The following SLC24A3 variants were observed in gnomAD, a reference collection of about 807,000 sequenced individuals.
The protein encoded by SLC24A3 is solute carrier family 24 member 3, also known as sodium/potassium/calcium exchanger 3.
Under a neutral mutation model 75.8 loss-of-function variants are expected in SLC24A3, and 28 were observed. The observed-to-expected ratio is 0.37, with a 90% CI of 0.27 to 0.51. The LOEUF is 0.51. SLC24A3 is among the 20% of genes least tolerant of loss of function. The probability of loss-of-function intolerance (pLI) is 0.94; values close to 1 mark genes in which losing one functional copy is unlikely to be tolerated. For missense variants in SLC24A3, 663 were observed against 847.8 expected (o/e 0.78, Z 2.71); for synonymous variants, 372 against 334.1 (o/e 1.11, Z -1.24).
intron 6 of SLC24A3, among the ~76,000 whole-genome samples, chr20:19,605,537 T>A (rs2031586207): frequency 6.6e-6 from 1 of 152,214 alleles, no homozygotes; most frequent in Non-Finnish European, 1.5e-5. Flanking sequence ...CACTAAGAGA[T>A]TAATGTCAAC....
At chr20:19,409,840 T>TGC (rs1986712721) in intron 2 of SLC24A3, among the ~76,000 whole-genome samples, 1 of 145,516 alleles carries the variant, frequency 6.9e-6, no homozygotes, top group Admixed American at 7.0e-5. Context: ...AATATGTGTG[T>TGC]GTGTGTGTAT....
Position 19,646,232 on chromosome 20 carries a change from A to C in SLC24A3, c.613-7830A>C, listed in dbSNP as rs79985625. Reference sequence around the variant, plus strand: ...TTTTAATGAACACCCAAAATCTAATAAGTATGGTTACTAGGTTTATCAAAC... The same window carrying C: ...TTTTAATGAACACCCAAAATCTAATCAGTATGGTTACTAGGTTTATCAAAC... On this transcript the variant is annotated intron_variant, in intron 6 of 16. Coordinates refer to ENST00000328041, the MANE Select transcript of SLC24A3 (RefSeq NM_020689.4). Among the ~76,000 whole-genome samples, 780 of 152,320 alleles carry C rather than the reference A, an allele frequency of 5.1e-3. 6 individuals are homozygous for C. Among genetic ancestry groups the C allele is most frequent in the African/African-American group, 0.016 (679 of 41,568 alleles).
intron 13 of SLC24A3, 164 bp from the exon 14 acceptor site, chr20:19,696,633 A>T: frequency 2.0e-6 from 1 of 509,422 alleles, no homozygotes; most frequent in Middle Eastern, 3.6e-4. Context: ...CCCGGTCGGC[A>T]TCCACATAGT....
chr20:19,713,116 G>C (rs2033007795), intron 15 of SLC24A3, among the ~76,000 whole-genome samples: 1 of 152,210 alleles, frequency 6.6e-6, no homozygotes, highest in African/African-American at 2.4e-5. Context: ...TGGCATCTAA[G>C]AATAAAAGAC....
At chr20:19,630,181 G>C (rs1053185720) in intron 6 of SLC24A3, among the ~76,000 whole-genome samples, 7 of 152,172 alleles carry the variant, frequency 4.6e-5, no homozygotes, top group African/African-American at 1.7e-4. Context: ...ATTCCATTTT[G>C]AGCAAAGTTG....
At chr20:19,410,040 T>C (rs2122418769) in intron 2 of SLC24A3, among the ~76,000 whole-genome samples, 1 of 152,246 alleles carries the variant, frequency 6.6e-6, no homozygotes. Context: ...TGTCGACAGT[T>C]TTTTGAATGC....
Position 19,685,390 on chromosome 20 carries a change from T to G in SLC24A3, c.1324+29T>G, listed in dbSNP as rs868469140. On this transcript the variant is annotated intron_variant, in intron 12 of 16. Coordinates refer to ENST00000328041, the MANE Select transcript of SLC24A3 (RefSeq NM_020689.4). ...AGAGGTTCTATGTCTGGGCTGGGGTTGGGAGCTATTTTGAGCCACTGAGTA... is the reference window on the plus strand; with the variant it reads ...AGAGGTTCTATGTCTGGGCTGGGGTGGGGAGCTATTTTGAGCCACTGAGTA... 22 of 1,607,176 alleles carry G rather than the reference T, an allele frequency of 1.4e-5. No individual in the cohort carries two copies. The Middle Eastern group carries it at 2.7e-3, about 194-fold the overall frequency.
intron 16 of SLC24A3, among the ~76,000 whole-genome samples, chr20:19,718,683 G>A (rs1014440447): frequency 6.6e-6 from 1 of 152,134 alleles, no homozygotes; most frequent in African/African-American, 2.4e-5. Context: ...CCACTAACTG[G>A]GCTGTCAAAA....
intron 2 of SLC24A3, among the ~76,000 whole-genome samples, chr20:19,399,656 T>C (rs1986516060): frequency 6.6e-6 from 1 of 152,170 alleles, no homozygotes; most frequent in South Asian, 2.1e-4. Flanking sequence ...AGGCTAATTT[T>C]ATGGCCCAGA....
At chr20:19,360,527 A>G (rs528332536) in intron 2 of SLC24A3, among the ~76,000 whole-genome samples, 72 of 152,260 alleles carry the variant, frequency 4.7e-4, no homozygotes, top group Admixed American at 1.0e-3. Context: ...CAACTTCTCA[A>G]CATGAAAATG....
intron 2 of SLC24A3, among the ~76,000 whole-genome samples, chr20:19,383,666 A>G (rs1462410337): frequency 1.3e-5 from 2 of 152,140 alleles, no homozygotes; most frequent in Non-Finnish European, 2.9e-5. Context: ...CTATAACAAA[A>G]TGCCATAGAC....
intron 2 of SLC24A3, among the ~76,000 whole-genome samples, chr20:19,417,364 A>G (rs1986844805): frequency 6.6e-6 from 1 of 152,230 alleles, no homozygotes; most frequent in Non-Finnish European, 1.5e-5. Context: ...AATAACATAA[A>G]AAAAGTCATT....
chr20:19,620,566 T>C (rs2031790250), intron 6 of SLC24A3, among the ~76,000 whole-genome samples: 1 of 152,182 alleles, frequency 6.6e-6, no homozygotes, highest in South Asian at 2.1e-4. Context: ...AGCTGGAATA[T>C]TCACACCAGT....
At chr20:19,649,621 G>A (rs150177927) in intron 6 of SLC24A3, among the ~76,000 whole-genome samples, 1 of 151,998 alleles carries the variant, frequency 6.6e-6, no homozygotes, top group East Asian at 1.9e-4. Flanking sequence ...TTGTCTCTCA[G>A]CCTTCAACTA....
chr20:19,508,007 A>C (rs1568638016), intron 2 of SLC24A3, among the ~76,000 whole-genome samples: 1 of 152,212 alleles, frequency 6.6e-6, no homozygotes, highest in Admixed American at 6.5e-5. Context: ...TCCACGGTAC[A>C]CATGGACAAG....
chr20:19,614,057 G>A (rs1314776731), intron 6 of SLC24A3, among the ~76,000 whole-genome samples: 1 of 152,180 alleles, frequency 6.6e-6, no homozygotes, highest in Admixed American at 6.5e-5. Flanking sequence ...GATCTGATGA[G>A]CAGTTTCAAC....
intron 2 of SLC24A3, among the ~76,000 whole-genome samples, chr20:19,365,745 C>CG (rs1985878396): frequency 6.6e-6 from 1 of 152,142 alleles, no homozygotes; most frequent in African/African-American, 2.4e-5. Flanking sequence ...GAGCTACCTC[C>CG]AGCCTCACTG....
intron 3 of SLC24A3, among the ~76,000 whole-genome samples, chr20:19,527,275 C>G (rs781013299): frequency 6.6e-6 from 1 of 152,202 alleles, no homozygotes; most frequent in African/African-American, 2.4e-5. Context: ...ATGTTGGAGA[C>G]CTGGGACCAT....
chr20:19,390,916 G>A (rs1035890535), intron 2 of SLC24A3, among the ~76,000 whole-genome samples: 6 of 152,122 alleles, frequency 3.9e-5, no homozygotes, highest in Non-Finnish European at 7.4e-5. Context: ...GAGGCTGCAG[G>A]GGCTTGCCTG....
Sources: allele counts gnomAD v4.1 joint callset (sites outside exome capture counted in the v4.1 genomes callset), GRCh38; gene constraint gnomAD v4.1.1; transcripts MANE v1.5; gene names NCBI Gene and HGNC (gene_info 2026-07-23, HGNC 2026-07-21).